Variants in MYO5A observed in about 807,000 individuals in gnomAD.
MYO5A encodes unconventional myosin-Va.
MYO5A carries 98 observed loss-of-function variants against 249.7 expected under a neutral mutation model. The ratio of observed to expected loss-of-function variants is 0.39; its 90% confidence interval spans 0.33 to 0.46. MYO5A has a LOEUF of 0.46. Ranked by LOEUF, MYO5A falls within the 20% of genes least tolerant of loss-of-function variation. The probability of loss-of-function intolerance (pLI) is 0.98; values close to 1 mark genes in which losing one functional copy is unlikely to be tolerated. For missense variants in MYO5A, 1,696 were observed against 2,308.8 expected, an observed-to-expected ratio of 0.73 and a Z score of 5.44; for synonymous variants, 778 against 810.6, an observed-to-expected ratio of 0.96 and a Z score of 0.68.
At chr15:52,493,088 T>C (rs1418824963) in intron 1 of MYO5A, among the ~76,000 whole-genome samples, 2 of 152,142 alleles carry the variant, frequency 1.3e-5, no homozygotes, top group Admixed American at 1.3e-4. Flanking sequence ...GGCTTTTGAT[T>C]GGGACTCTCA....
chr15:52,340,440 T>G (rs560999001), intron 31 of MYO5A, 46 bp from the exon 32 acceptor site: 2 of 1,569,174 alleles, frequency 1.3e-6, no homozygotes, highest in Admixed American at 1.7e-5. Context: ...ACACCCCGAG[T>G]TGCTGCCTAA....
At chr15:52,459,146 A>ATTTTTTTTTTTTTTTTTTTT (rs199923318) in intron 1 of MYO5A, among the ~76,000 whole-genome samples, 2 of 49,052 alleles carry the variant, frequency 4.1e-5, no homozygotes, top group African/African-American at 5.7e-5. Context: ...ATTTTCCAGA[A>ATTTTTTTTTTTTTTTTTTTT]ATTTTTTTTT....
intron 1 of MYO5A, among the ~76,000 whole-genome samples, chr15:52,477,260 T>C (rs1217221797): frequency 6.6e-6 from 1 of 152,220 alleles, no homozygotes. Context: ...TTTAAGGTCT[T>C]CTCTACGCTG....
chr15:52,343,301 T>A, intron 30 of MYO5A, 104 bp from the exon 31 acceptor site: 1 of 972,734 alleles, frequency 1.0e-6, no homozygotes, highest in East Asian at 2.5e-5. Flanking sequence ...ATTTTATAAG[T>A]TTGTTTTTAT....
chr15:52,505,337 G>A, intron 1 of MYO5A: 1 of 777,946 alleles, frequency 1.3e-6, no homozygotes, highest in Non-Finnish European at 2.4e-6. Flanking sequence ...GCCGACTTGT[G>A]TCATGCTCTA....
At chr15:52,440,184 C>T (rs2075756130) in intron 1 of MYO5A, among the ~76,000 whole-genome samples, 1 of 152,174 alleles carries the variant, frequency 6.6e-6, no homozygotes. Flanking sequence ...AGTGTTGGCT[C>T]ACCCAGCACT....
At chr15:52,380,123 C>G (rs1234805344) in intron 16 of MYO5A, among the ~76,000 whole-genome samples, 1 of 152,152 alleles carries the variant, frequency 6.6e-6, no homozygotes. Flanking sequence ...TAAACATTAC[C>G]TGCAACTCAA....
intron 4 of MYO5A, among the ~76,000 whole-genome samples, 173 bp downstream of exon 4, chr15:52,425,657 G>A (rs2075379424): frequency 6.6e-6 from 1 of 152,130 alleles, no homozygotes; most frequent in Non-Finnish European, 1.5e-5. Flanking sequence ...ACTGCACCTG[G>A]CCCACTTTAT....
intron 11 of MYO5A, among the ~76,000 whole-genome samples, chr15:52,392,731 A>T (rs1329615230): frequency 6.6e-6 from 1 of 152,248 alleles, no homozygotes; most frequent in African/African-American, 2.4e-5. Context: ...ACATAAAAAT[A>T]TGTATTAACT....
At chr15:52,515,233 C>T (rs1489231283) in intron 1 of MYO5A, among the ~76,000 whole-genome samples, 6 of 150,428 alleles carry the variant, frequency 4.0e-5, no homozygotes, top group East Asian at 3.9e-4. Context: ...GCTATGATCA[C>T]GTCACTGCAC....
At chr15:52,328,051 CA>C (rs768286822) in intron 35 of MYO5A, 45 bp from the exon 36 acceptor site, 2 of 1,494,198 alleles carry the variant, frequency 1.3e-6, no homozygotes, top group Admixed American at 3.4e-5. Context: ...GGAAAATTTT[CA>C]CGAGGCATGC....
Position 52,435,697 on chromosome 15 carries a change from T to C in MYO5A, c.28-2412A>G, listed in dbSNP as rs148840273. The C allele has an allele frequency of 8.8e-4, 401 of 454,834 alleles. 3 individuals are homozygous for C. Among genetic ancestry groups the C allele is most frequent in the East Asian group, 8.6e-3 (124 of 14,398 alleles). The allele number at this position is 454,834 out of a possible 1,614,324, so 28.2% of individuals were successfully genotyped here. A position where few individuals can be genotyped will look rare whatever the true frequency, so the allele number is the denominator to read the frequency against. Reference sequence around the variant, plus strand: ...GCTGGTAAAATTTTTTACTTAAAGTTTGGGGACTGATATAAGGTTATTAAC... The same window carrying C: ...GCTGGTAAAATTTTTTACTTAAAGTCTGGGGACTGATATAAGGTTATTAAC... On this transcript the variant is annotated intron_variant, in intron 1 of 41. Coordinates refer to ENST00000399233, the MANE Select transcript of MYO5A (RefSeq NM_001382347.1).
At chr15:52,523,278 C>T (rs1217949285) in intron 1 of MYO5A, among the ~76,000 whole-genome samples, 1 of 152,336 alleles carries the variant, frequency 6.6e-6, no homozygotes, top group Admixed American at 6.5e-5. Context: ...CTGAAAGTTT[C>T]CTGGTCTCCC....
In MYO5A at chr15:52,480,012, C is replaced by G. The variant is rs185500135; in HGVS notation, c.28-46727G>C. 1.1e-3 allele frequency among the ~76,000 whole-genome samples: 167 copies of G among 152,320 alleles called. 1 individual carries two copies. Among genetic ancestry groups the G allele is most frequent in the Non-Finnish European group, 2.0e-3 (133 of 68,032 alleles). On this transcript the variant is annotated intron_variant, in intron 1 of 41. Transcript: ENST00000399233. ...GGAAGTAAAGATTATGTAAAGAGGT[C>G]TCTGAACGTGACTGATCTAAGCAAT...
intron 4 of MYO5A, among the ~76,000 whole-genome samples, chr15:52,423,066 T>C (rs2075315342): frequency 6.6e-6 from 1 of 152,192 alleles, no homozygotes; most frequent in African/African-American, 2.4e-5. Flanking sequence ...GGGGTAGGAA[T>C]TCCTGTCTAT....
At chr15:52,361,957 C>T (rs561511296) in intron 24 of MYO5A, among the ~76,000 whole-genome samples, 2 of 152,256 alleles carry the variant, frequency 1.3e-5, no homozygotes, top group Non-Finnish European at 2.9e-5. Flanking sequence ...GGTTTCCCTC[C>T]CCTCTCTGGA....
intron 9 of MYO5A, among the ~76,000 whole-genome samples, chr15:52,398,634 T>C (rs2042592557): frequency 1.3e-5 from 2 of 152,214 alleles, no homozygotes; most frequent in South Asian, 2.1e-4. Flanking sequence ...CACCACTGCC[T>C]GCTCAACTCC....
At chr15:52,367,682 C>T (rs538262440) in intron 22 of MYO5A, among the ~76,000 whole-genome samples, 1 of 152,172 alleles carries the variant, frequency 6.6e-6, no homozygotes, top group Admixed American at 6.5e-5. Context: ...TTGATTCTCC[C>T]ATCTGATGTC....
At chr15:52,423,459 G>C (rs986756504) in intron 4 of MYO5A, among the ~76,000 whole-genome samples, 1 of 152,044 alleles carries the variant, frequency 6.6e-6, no homozygotes, top group Admixed American at 6.6e-5. Context: ...GGCTGAGGCA[G>C]GAGAATGGCG....
Sources: allele counts gnomAD v4.1 joint callset (sites outside exome capture counted in the v4.1 genomes callset), GRCh38; gene constraint gnomAD v4.1.1; transcripts MANE v1.5; gene names NCBI Gene and HGNC (gene_info 2026-07-23, HGNC 2026-07-21).